The following SYNJ1 variants were observed in gnomAD, a reference collection of about 807,000 sequenced individuals.
SYNJ1 encodes polyphosphatidylinositol phosphatase SYNJ1.
Under a neutral mutation model 168.2 loss-of-function variants are expected in SYNJ1, and 78 were observed. The ratio of observed to expected loss-of-function variants is 0.46; its 90% CI spans 0.39 to 0.56. SYNJ1 has a LOEUF of 0.56. Among genes scored for constraint, SYNJ1 ranks in the 20% least tolerant of loss-of-function variants. The pLI is 0.00. For synonymous variants in SYNJ1, 539 were observed against 548.6 expected, an observed-to-expected ratio of 0.98 and a Z score of 0.24; for missense variants, 1,303 against 1,597.6, an observed-to-expected ratio of 0.82 and a Z score of 3.14.
intron 17 of SYNJ1, 149 bp downstream of exon 17, chr21:32,665,794 G>T: frequency 2.4e-6 from 2 of 832,122 alleles, no homozygotes; most frequent in Non-Finnish European, 3.5e-6. Context: ...AGATATTTTG[G>T]GTTAATACTC....
chr21:32,676,644 A>T (rs1005879244), intron 12 of SYNJ1, among the ~76,000 whole-genome samples: 3 of 152,198 alleles, frequency 2.0e-5, no homozygotes, highest in Non-Finnish European at 4.4e-5. Flanking sequence ...TATGTTATGC[A>T]TGCATGCGCA....
At chr21:32,642,170 G>A in intron 27 of SYNJ1, 37 bp from the exon 28 acceptor site, 4 of 1,612,300 alleles carry the variant, frequency 2.5e-6, no homozygotes, top group Non-Finnish European at 3.4e-6. Context: ...TTAGTTGTAA[G>A]TTAACAATTA....
intron 2 of SYNJ1, among the ~76,000 whole-genome samples, chr21:32,708,471 C>T (rs979395782): frequency 1.3e-5 from 2 of 152,144 alleles, no homozygotes; most frequent in East Asian, 3.9e-4. Flanking sequence ...TTGTAAGTTA[C>T]TGATTTCTAA....
At chr21:32,724,833 G>A (rs1025118122) in intron 2 of SYNJ1, among the ~76,000 whole-genome samples, 1 of 152,162 alleles carries the variant, frequency 6.6e-6, no homozygotes, top group Non-Finnish European at 1.5e-5. Flanking sequence ...GACATTCCAA[G>A]AGATTAGACA....
intron 31 of SYNJ1, among the ~76,000 whole-genome samples, chr21:32,635,344 G>A (rs1324666340): frequency 1.3e-5 from 2 of 152,150 alleles, no homozygotes; most frequent in Non-Finnish European, 2.9e-5. Flanking sequence ...GTCCTTATGA[G>A]AAGAGACACC....
chr21:32,688,410 T>A, intron 6 of SYNJ1, 43 bp from the exon 7 acceptor site: 2 of 1,546,204 alleles, frequency 1.3e-6, no homozygotes, highest in South Asian at 2.3e-5. Context: ...AAAACCAACA[T>A]ATAGACGAAA....
Position 32,630,295 on chromosome 21 carries a change from G to A in SYNJ1, c.*1510C>T, listed in dbSNP as rs577256755. 1.4e-4 allele frequency: 22 copies of A among 152,256 alleles called. No homozygotes were observed. The highest frequency in any genetic ancestry group is 1.3e-3 in the Admixed American group (20 of 15,294). The allele number at this position is 152,256 out of a possible 1,614,324, so 9.4% of individuals were successfully genotyped here. On this transcript the variant is annotated 3_prime_UTR_variant, in exon 33 of 33. Transcript: ENST00000674351. ...TATTTGAAGGGGTTGGGTGTGGAACGGTAGAAAATTCTGATTCTGTGGTGA... is the reference window on the plus strand; with the variant it reads ...TATTTGAAGGGGTTGGGTGTGGAACAGTAGAAAATTCTGATTCTGTGGTGA...
intron 6 of SYNJ1, among the ~76,000 whole-genome samples, chr21:32,688,670 GT>G (rs2041917813): frequency 1.3e-5 from 2 of 152,054 alleles, no homozygotes; most frequent in South Asian, 4.1e-4. Context: ...ATGGTACTTT[GT>G]TTTAAGTTCA....
chr21:32,638,845 G>GT (rs2145718631), intron 31 of SYNJ1, 63 bp downstream of exon 31: 1 of 1,422,290 alleles, frequency 7.0e-7, no homozygotes, highest in East Asian at 2.3e-5. Context: ...ATTAAAATAG[G>GT]TATGTTCAAA....
chr21:32,651,058 T>TA (rs1438478864), intron 22 of SYNJ1, among the ~76,000 whole-genome samples: 1 of 152,178 alleles, frequency 6.6e-6, no homozygotes, highest in African/African-American at 2.4e-5. Flanking sequence ...TCAATGTATT[T>TA]AAAAAATACT....
chr21:32,659,108 A>T (rs1213730192), intron 18 of SYNJ1, among the ~76,000 whole-genome samples: 1 of 152,088 alleles, frequency 6.6e-6, no homozygotes, highest in Non-Finnish European at 1.5e-5. Flanking sequence ...AAAAAAAAAA[A>T]ATTTAATAAA....
intron 15 of SYNJ1, among the ~76,000 whole-genome samples, chr21:32,669,917 A>G (rs1474093612): frequency 6.6e-6 from 1 of 152,220 alleles, no homozygotes; most frequent in Non-Finnish European, 1.5e-5. Flanking sequence ...GAAAACTACA[A>G]GACAGTGCCA....
At chr21:32,664,371 A>C (rs1422837158) in intron 18 of SYNJ1, among the ~76,000 whole-genome samples, 2 of 152,174 alleles carry the variant, frequency 1.3e-5, no homozygotes, top group Admixed American at 1.3e-4. Flanking sequence ...AGAAGTGAAA[A>C]CTAAAAGGCA....
chr21:32,648,808 C>T (rs1385857343), intron 23 of SYNJ1, among the ~76,000 whole-genome samples: 1 of 152,226 alleles, frequency 6.6e-6, no homozygotes, highest in Admixed American at 6.5e-5. Flanking sequence ...TCATGTTTGA[C>T]TGACTCCATG....
rs763870801 is a variant in SYNJ1 at position 32,681,543 on chromosome 21, T to A, written c.1306A>T (p.Ile436Phe). Residue 436 changes from isoleucine (I) to phenylalanine (F), a missense_variant, in exon 11 of 33, where the codon ATC becomes TTC. Around this residue, in one of 2 missense-constraint regions of SYNJ1, gnomAD observed 920 missense variants for 1,208.8 expected, o/e 0.76. Transcript: ENST00000674351. The stretch of plus-strand genomic sequence containing the variant: ...CCAGTTCCTGCATATATCTTACTGA[T>A]TGAATCACCATTCACGGACCACATT... ...RSMWSVNGDS[I>F]SKIYAGTGAL... The A allele has an allele frequency of 6.2e-7, 1 of 1,613,852 alleles. No homozygotes were observed. The highest frequency in any genetic ancestry group is 1.1e-5 in the South Asian group (1 of 91,052).
intron 16 of SYNJ1, 25 bp downstream of exon 16, chr21:32,666,408 T>A (rs1204609172): frequency 6.2e-7 from 1 of 1,605,022 alleles, no homozygotes; most frequent in Non-Finnish European, 8.5e-7. Flanking sequence ...GGAAGTAGCC[T>A]TAGAGGAGTG....
intron 17 of SYNJ1, among the ~76,000 whole-genome samples, chr21:32,665,548 G>A (rs1331321407): frequency 1.3e-5 from 2 of 152,178 alleles, no homozygotes; most frequent in African/African-American, 4.8e-5. Flanking sequence ...AACCTTTTGC[G>A]TCTTATCTAC....
chr21:32,639,675 C>A lies in SYNJ1; in HGVS notation c.3693G>T (p.Ser1231=), dbSNP rs755437097. 1 of 1,613,610 alleles carries A rather than the reference C, an allele frequency of 6.2e-7. No individual in the cohort carries two copies. The highest frequency in any genetic ancestry group is 8.5e-7 in the Non-Finnish European group (1 of 1,179,888). The part of the protein sequence containing the change: ...PESQSKTSET[S]KGSTFLPEPL... ...AGCCTCCCAAAGAGGACCTACCTTT[C>A]GACGTTTCTGATGTTTTGCTTTGGC... is the stretch of plus-strand genomic sequence containing the variant. The change falls in exon 30 of 33, where the codon TCG becomes TCT. Residue 1231 remains serine, a synonymous_variant. Transcript: ENST00000674351.
chr21:32,657,516 T>G (rs753127181), intron 19 of SYNJ1, among the ~76,000 whole-genome samples, 200 bp downstream of exon 19: 6 of 152,240 alleles, frequency 3.9e-5, no homozygotes, highest in Admixed American at 6.5e-5. Flanking sequence ...TGAAATTATA[T>G]GAAAATAGGC....
Sources: allele counts gnomAD v4.1 joint callset (sites outside exome capture counted in the v4.1 genomes callset), GRCh38; gene constraint gnomAD v4.1.1; regional missense constraint gnomAD v4.1.1; transcripts MANE v1.5; gene names NCBI Gene and HGNC (gene_info 2026-07-23, HGNC 2026-07-21).